IGSF8: variants seen among roughly 807,000 people sequenced by gnomAD.
The protein encoded by IGSF8 is immunoglobulin superfamily member 8.
IGSF8 carries 46 observed loss-of-function variants against 55.5 expected under a neutral mutation model. The observed-to-expected ratio is 0.83, with a 90% CI of 0.65 to 1.06. The LOEUF (loss-of-function observed/expected upper bound fraction) is 1.06. Among genes scored for constraint, IGSF8 ranks in the 50% least tolerant of loss-of-function variants. The probability of loss-of-function intolerance (pLI) is 0.00; values close to 1 mark genes in which losing one functional copy is unlikely to be tolerated. For synonymous variants in IGSF8, 314 were observed against 356.1 expected, an observed-to-expected ratio of 0.88 and a Z score of 1.33; for missense variants, 731 against 832.3, an observed-to-expected ratio of 0.88 and a Z score of 1.50.
chr1:160,095,453 T>G, intron 1 of IGSF8: 1 of 606,712 alleles, frequency 1.6e-6, no homozygotes, highest in Non-Finnish European at 2.9e-6. Flanking sequence ...GGGCCCAGGA[T>G]TGCCTTGGCA....
rs200326761 is a variant in IGSF8 at position 160,093,884 on chromosome 1, G to A, written c.730C>T (p.Arg244Cys). Residue 244 changes from arginine (R) to cysteine (C), a missense_variant, in exon 3 of 7, where the codon CGT becomes TGT. By Grantham distance (180) the Arg-to-Cys change is radical. Transcript: ENST00000314485. ...CGATCGGTCCCTTCCTTGCCCAGAC[G>A]AAGCTCCCCTGCAGCCAATCGCTCA... Reference protein sequence around the residue: ...YAERLAAGELRLGKEGTDRYR... With the variant: ...YAERLAAGELCLGKEGTDRYR... 90 of 1,614,164 alleles carry A rather than the reference G, an allele frequency of 5.6e-5. No individual in the cohort carries two copies. The South Asian group carries it at 8.6e-4, about 15-fold the overall frequency.
chr1:160,091,486 T>C lies in IGSF8; in HGVS notation c.*138A>G. On this transcript the variant is annotated 3_prime_UTR_variant, in exon 7 of 7. Coordinates refer to ENST00000314485, the MANE Select transcript of IGSF8 (RefSeq NM_052868.6). ...GAAGGAGTGGGGAAGGGGAGGCACG[T>C]CTCCCATTCTGGGTAGTGGGAGGTC... 1 of 271,456 alleles carries C rather than the reference T, an allele frequency of 3.7e-6. No homozygotes were observed. Among genetic ancestry groups the C allele is most frequent in the South Asian group, 5.6e-5 (1 of 17,956 alleles). The allele number at this position is 271,456 out of a possible 1,614,324, so 16.8% of individuals were successfully genotyped here.
In IGSF8 at chr1:160,097,693, C is replaced by CGCCACCATGAACA. The variant is rs1170238552; in HGVS notation, c.64+715_64+716insTGTTCATGGTGGC. 1.2e-4 allele frequency: 118 copies of CGCCACCATGAACA among 985,434 alleles called. No individual in the cohort carries two copies. The African/African-American group carries it at 2.0e-3, about 16-fold the overall frequency. The allele number at this position is 985,434 out of a possible 1,614,324, so 61.0% of individuals were successfully genotyped here. A position where few individuals can be genotyped will look rare whatever the true frequency, so the allele number is the denominator to read the frequency against. ...ATCCATGCAAGATTGGCCCAGAACACCCCACCATGAACACCCACCACAGCA... is the reference window on the plus strand; with the variant it reads ...ATCCATGCAAGATTGGCCCAGAACACGCCACCATGAACACCCACCATGAACACCCACCACAGCA... On this transcript the variant is annotated intron_variant, in intron 1 of 6. Coordinates refer to ENST00000314485, the MANE Select transcript of IGSF8 (RefSeq NM_052868.6).
At chr1:160,093,561 G>A in intron 3 of IGSF8, 149 bp downstream of exon 3, 1 of 786,624 alleles carries the variant, frequency 1.3e-6, no homozygotes, top group Non-Finnish European at 2.0e-6. Flanking sequence ...AAGGGCCGGG[G>A]GAGAGAAATG....
rs1650333806 is a variant in IGSF8 at position 160,095,113 on chromosome 1, C to T, written c.198G>A (p.Leu66=). 3.1e-6 allele frequency: 5 copies of T among 1,614,124 alleles called. No individual in the cohort carries two copies. Among genetic ancestry groups the T allele is most frequent in the Non-Finnish European group, 3.4e-6 (4 of 1,180,044 alleles). The change falls in exon 2 of 7, where the codon CTG becomes CTA. Residue 66 remains leucine, a synonymous_variant. Transcript: ENST00000314485. ...GPAQQNFEWF[L]YRPEAPDTAL... Reference sequence around the variant, plus strand: ...CAGTATCTGGGGCCTCGGGCCTATACAGGAACCACTCGAAGTTCTGCTGGG... The same window carrying T: ...CAGTATCTGGGGCCTCGGGCCTATATAGGAACCACTCGAAGTTCTGCTGGG...
At position 160,095,230 on chromosome 1, in the gene IGSF8, G is replaced by T. The variant is rs756962178; in HGVS notation, c.81C>A (p.Ala27=). The T allele has an allele frequency of 2.5e-6, 4 of 1,602,758 alleles. No homozygotes were observed. Among genetic ancestry groups the T allele is most frequent in the Non-Finnish European group, 3.4e-6 (4 of 1,179,374 alleles). ...LLLMLGMGCW[A]REVLVPEGPL... ...GCCCCTCGGGGACCAGCACCTCCCGGGCCCAGCATCCCATTCCTGTAGGGA... is the reference window on the plus strand; with the variant it reads ...GCCCCTCGGGGACCAGCACCTCCCGTGCCCAGCATCCCATTCCTGTAGGGA... Residue 27 remains alanine, a synonymous_variant, in exon 2 of 7, where the codon GCC becomes GCA. Transcript: ENST00000314485.
rs1650269619 is a variant in IGSF8 at position 160,094,400 on chromosome 1, C to T, written c.443-229G>A. 6.6e-6 allele frequency among the ~76,000 whole-genome samples: 1 copy of T among 152,194 alleles called. No homozygotes were observed. Among genetic ancestry groups the T allele is most frequent in the Non-Finnish European group, 1.5e-5 (1 of 68,034 alleles). ...TAGAACCAGCCCATCGCCTACTCACCCTTATGTTTGAGACTGACCTCTGTT... is the reference window on the plus strand; with the variant it reads ...TAGAACCAGCCCATCGCCTACTCACTCTTATGTTTGAGACTGACCTCTGTT... On this transcript the variant is annotated intron_variant, in intron 2 of 6. Coordinates refer to ENST00000314485, the MANE Select transcript of IGSF8 (RefSeq NM_052868.6). The surrounding 1 kb of genome is among the most constrained non-coding windows in gnomAD (Gnocchi z 4.0).
chr1:160,096,959 G>A (rs1299445304), intron 1 of IGSF8, among the ~76,000 whole-genome samples: 1 of 152,148 alleles, frequency 6.6e-6, no homozygotes, highest in African/African-American at 2.4e-5. Flanking sequence ...GCTTGGAGAT[G>A]CCCATGGGAA....
chr1:160,093,095 T>A lies in IGSF8; in HGVS notation c.1141A>T (p.Met381Leu), dbSNP rs779718159. 1.2e-6 allele frequency: 2 copies of A among 1,614,014 alleles called. No individual in the cohort carries two copies. The highest frequency in any genetic ancestry group is 1.1e-5 in the South Asian group (1 of 91,078). ...GPGYEGRHIAMEKVASRTYRL... is the reference protein window; with the variant it reads ...GPGYEGRHIALEKVASRTYRL... ...TATGTTCTGGATGCCACCTTCTCCATGGCAATGTGTCGGCCCTCATAGCCA... is the reference window on the plus strand; with the variant it reads ...TATGTTCTGGATGCCACCTTCTCCAAGGCAATGTGTCGGCCCTCATAGCCA... Residue 381 changes from methionine (M) to leucine (L), a missense_variant, in exon 4 of 7, where the codon ATG becomes TTG. Transcript: ENST00000314485.
Position 160,098,518 on chromosome 1 carries a change from C to G in IGSF8, c.-46G>C. On this transcript the variant is annotated 5_prime_UTR_variant, in exon 1 of 7. Transcript: ENST00000314485. The stretch of plus-strand genomic sequence containing the variant: ...GAGGCTCCGGGGGATGGCGCGGGTT[C>G]TGGGGGGCCGGAAGGGTGGGGGGCG... 7.1e-7 allele frequency: 1 copy of G among 1,407,182 alleles called. No individual in the cohort carries two copies. Among genetic ancestry groups the G allele is most frequent in the Non-Finnish European group, 9.5e-7 (1 of 1,056,420 alleles). The allele number at this position is 1,407,182 out of a possible 1,614,324, so 87.2% of individuals were successfully genotyped here.
chr1:160,091,909 C>A lies in IGSF8; in HGVS notation c.1756G>T (p.Val586Leu). Residue 586 changes from valine (V) to leucine (L), a missense_variant, in exon 6 of 7, where the codon GTG (valine) becomes TTG (leucine). Coordinates refer to ENST00000314485, the MANE Select transcript of IGSF8 (RefSeq NM_052868.6). The part of the protein sequence containing the change: ...ALDTLFVPLL[V>L]GTGVALVTGA... ...GTGACTAGGGCCACCCCTGTACCCA[C>A]CAGCAGAGGCACAAATAGGGTGTCC... 1 of 1,613,594 alleles carries A rather than the reference C, an allele frequency of 6.2e-7. No homozygotes were observed. Among genetic ancestry groups the A allele is most frequent in the Non-Finnish European group, 8.5e-7 (1 of 1,179,664 alleles).
Position 160,092,654 on chromosome 1 carries a change from CTG to C in IGSF8, c.1352_1353del (p.Thr451SerfsTer88). On this transcript the variant is annotated frameshift_variant, in exon 5 of 7. Coordinates refer to ENST00000314485, the MANE Select transcript of IGSF8 (RefSeq NM_052868.6). LOFTEE classifies it high-confidence loss of function. ...AGGGAGGCAGTCTCCCCGCGGTACA[CTG>C]TGCCTCCTGCTAGCCATGCCACAGC... ...LEAVAWLAGG[T>X]VYRGETASLL... The C allele has an allele frequency of 1.9e-6, 3 of 1,601,028 alleles. No homozygotes were observed. Among genetic ancestry groups the C allele is most frequent in the Non-Finnish European group, 2.5e-6 (3 of 1,179,926 alleles).
chr1:160,097,713 A>G, intron 1 of IGSF8: 1 of 985,406 alleles, frequency 1.0e-6, no homozygotes, highest in Non-Finnish European at 1.2e-6. Flanking sequence ...AACACCCACC[A>G]CAGCAGGCAC....
rs757485438 is a variant in IGSF8, at chr1:160,093,799, G to A, written c.815C>T (p.Ala272Val). ...ATCAGGATCCTGAATCCACTCAGCG[G>A]CAGTGCAGTGGTAGGTGCCTGCGTC... The part of the protein sequence containing the change: ...AGDAGTYHCT[A>V]AEWIQDPDGS... Residue 272 changes from alanine to valine, a missense_variant, in exon 3 of 7, where the codon GCC becomes GTC. Ala to Val is a moderately conservative substitution (Grantham distance 64). Coordinates refer to ENST00000314485, the MANE Select transcript of IGSF8 (RefSeq NM_052868.6). The A allele has an allele frequency of 6.2e-7, 1 of 1,613,932 alleles. No homozygotes were observed. Among genetic ancestry groups the A allele is most frequent in the Admixed American group, 1.7e-5 (1 of 59,998 alleles).
chr1:160,093,679 T>C, intron 3 of IGSF8, 31 bp downstream of exon 3: 4 of 1,548,918 alleles, frequency 2.6e-6, no homozygotes, highest in Non-Finnish European at 3.5e-6. Flanking sequence ...CCCTCCCAGC[T>C]CCCACAGTGG....
In IGSF8 at chr1:160,093,359, C is replaced by A. The variant is rs375627618; in HGVS notation, c.905-28G>T. On this transcript the variant is annotated intron_variant, in intron 3 of 6. Transcript: ENST00000314485. Reference sequence around the variant, plus strand: ...GAAACACAGGTAGGGGAAGAGGTGTCATGGAGGCAGGAGGGGACACAGAGG... The same window carrying A: ...GAAACACAGGTAGGGGAAGAGGTGTAATGGAGGCAGGAGGGGACACAGAGG... The A allele has an allele frequency of 1.5e-5, 24 of 1,553,526 alleles. No individual in the cohort carries two copies. The African/African-American group carries it at 3.1e-4, about 20-fold the overall frequency.
intron 1 of IGSF8, among the ~76,000 whole-genome samples, chr1:160,095,625 G>A (rs984445709): frequency 6.6e-6 from 1 of 152,314 alleles, no homozygotes; most frequent in Non-Finnish European, 1.5e-5. Context: ...TCAGCACCTG[G>A]CAAGGGGAGC....
At chr1:160,097,869 C>G in intron 1 of IGSF8, 2 of 985,446 alleles carry the variant, frequency 2.0e-6, no homozygotes, top group Non-Finnish European at 2.4e-6. Flanking sequence ...AAAGAGGGAC[C>G]CAACCCAGGG....
rs201274916 is a variant in IGSF8 at position 160,092,265 on chromosome 1, G to A, written c.1726+17C>T. ...GGAGGAAGGCAGAGTGAGGAGGGTGGAGGGGGTGTCACTCACCATGCATGT... is the reference window on the plus strand; with the variant it reads ...GGAGGAAGGCAGAGTGAGGAGGGTGAAGGGGGTGTCACTCACCATGCATGT... On this transcript the variant is annotated intron_variant, in intron 5 of 6. Coordinates refer to ENST00000314485, the MANE Select transcript of IGSF8 (RefSeq NM_052868.6). 176 of 1,612,338 alleles carry A rather than the reference G, an allele frequency of 1.1e-4. 1 individual carries two copies. The East Asian group carries it at 3.4e-3, about 31-fold the overall frequency.
Sources: gnomAD v4.1 joint callset for allele counts (sites outside exome capture counted in the v4.1 genomes callset) on GRCh38, gnomAD v4.1.1 for gene constraint, Gnocchi (gnomAD v3.1) non-coding constraint, MANE v1.5 for transcripts, NCBI Gene and HGNC (gene_info 2026-07-23, HGNC 2026-07-21) for gene names.